SLCO4A1: variants seen among roughly 807,000 people sequenced by gnomAD.
SLCO4A1 encodes solute carrier organic anion transporter family member 4A1.
Under a neutral mutation model 64.6 loss-of-function variants are expected in SLCO4A1, and 51 were observed. The ratio of observed to expected loss-of-function variants is 0.79; its 90% CI spans 0.63 to 1.00. SLCO4A1 has a LOEUF of 1.00. Ranked by LOEUF, SLCO4A1 falls within the 50% of genes least tolerant of loss-of-function variation. SLCO4A1 has a pLI of 0.00. For missense variants in SLCO4A1, 919 were observed against 980.5 expected (o/e 0.94, Z 0.84); for synonymous variants, 471 against 444.9 (o/e 1.06, Z -0.74).
chr20:62,687,319 C>G (rs1356286428), downstream of SLCO4A1, among the ~76,000 whole-genome samples: 1 of 152,262 alleles, frequency 6.6e-6, no homozygotes, highest in Non-Finnish European at 1.5e-5. Context: ...ACGGGAGACA[C>G]AGTGGCCACC....
Position 62,657,259 on chromosome 20 carries a change from GGCTGGCGGGGTAAGT to G in SLCO4A1, c.796+16_796+30del. 4 of 1,511,810 alleles carry G rather than the reference GGCTGGCGGGGTAAGT, an allele frequency of 2.6e-6. No homozygotes were observed. The highest frequency in any genetic ancestry group is 3.6e-6 in the Non-Finnish European group (4 of 1,121,326). 93.6% of individuals were successfully genotyped at this position (1,511,810 alleles called of 1,614,324 possible). A position where few individuals can be genotyped will look rare whatever the true frequency, so the allele number is the denominator to read the frequency against. On this transcript the variant is annotated intron_variant, in intron 2 of 11. Transcript: ENST00000217159. ...CTCGCCCGTCTACATTGGTGAGTGGGGCTGGCGGGGTAAGTGCTGGCAGGGGTGGCTGAGGGCAGT... is the reference window on the plus strand; with the variant it reads ...CTCGCCCGTCTACATTGGTGAGTGGGGCTGGCAGGGGTGGCTGAGGGCAGT...
intron 10 of SLCO4A1, 119 bp downstream of exon 10, chr20:62,668,660 G>T: frequency 9.8e-7 from 1 of 1,025,544 alleles, no homozygotes; most frequent in East Asian, 2.4e-5. Context: ...GTTCCCGCCT[G>T]GGAAGGGGTC....
At position 62,660,402 on chromosome 20, in the gene SLCO4A1, T is replaced by C. The variant is rs912931019; in HGVS notation, c.888-10T>C. ...GCACGCTGACCCAGGTGCCACTGCC[T>C]CTTCCACAGGACGGAGCTGACCACC... is the stretch of plus-strand genomic sequence containing the variant. On this transcript the variant is annotated splice_polypyrimidine_tract_variant and intron_variant, in intron 3 of 11. Coordinates refer to ENST00000217159, the MANE Select transcript of SLCO4A1 (RefSeq NM_016354.4). 19 of 1,597,174 alleles carry C rather than the reference T, an allele frequency of 1.2e-5. 1 individual carries two copies. In the Admixed American group the frequency reaches 1.8e-4, roughly 15 times the overall value.
In SLCO4A1 at chr20:62,644,931, G is replaced by A. The variant is rs1482070503; in HGVS notation, c.-97+2378G>A. Reference sequence around the variant, plus strand: ...GAGCTCTGGGAGAGAGCCACGCCAGGCCAGCCCTCCTGCTTCCTCAAGCGG... The same window carrying A: ...GAGCTCTGGGAGAGAGCCACGCCAGACCAGCCCTCCTGCTTCCTCAAGCGG... On this transcript the variant is annotated intron_variant, in intron 1 of 11. Transcript: ENST00000217159. The surrounding 1 kb of genome is among the most constrained non-coding windows in gnomAD (Gnocchi z 5.4). 6.6e-6 allele frequency among the ~76,000 whole-genome samples: 1 copy of A among 152,212 alleles called. No individual in the cohort carries two copies. Among genetic ancestry groups the A allele is most frequent in the Non-Finnish European group, 1.5e-5 (1 of 68,034 alleles).
chr20:62,655,084 G>A (rs1404101773), intron 1 of SLCO4A1, among the ~76,000 whole-genome samples: 1 of 152,226 alleles, frequency 6.6e-6, no homozygotes. Flanking sequence ...ATATTCGGAG[G>A]TATTGGGGTC....
intron 2 of SLCO4A1, among the ~76,000 whole-genome samples, chr20:62,684,165 C>CACGTGA (rs1424707592): frequency 6.6e-6 from 1 of 152,226 alleles, no homozygotes; most frequent in Non-Finnish European, 1.5e-5. Context: ...CACACTCATC[C>CACGTGA]CCCAACAGCA....
chr20:62,665,140 A>G, intron 6 of SLCO4A1, 52 bp downstream of exon 6: 1 of 1,561,332 alleles, frequency 6.4e-7, no homozygotes, highest in Non-Finnish European at 8.7e-7. Context: ...GTTCTCAGAA[A>G]CAGAGTCTTC....
At chr20:62,648,441 T>C (rs1981810238) in intron 1 of SLCO4A1, among the ~76,000 whole-genome samples, 1 of 152,150 alleles carries the variant, frequency 6.6e-6, no homozygotes, top group Non-Finnish European at 1.5e-5. Flanking sequence ...GGGCCACCAG[T>C]CAGGGCTCCG....
At position 62,663,759 on chromosome 20, in the gene SLCO4A1, G is replaced by A. The variant is rs143440724; in HGVS notation, c.1122-1175G>A. On this transcript the variant is annotated intron_variant, in intron 5 of 11. Transcript: ENST00000217159. ...CAGGCAGCTGTGAGCTGGGATGAAT[G>A]TGAGCTTTGCCCAGTCTGGGTGATC... 6.0e-4 allele frequency among the ~76,000 whole-genome samples: 91 copies of A among 152,326 alleles called. 1 individual carries two copies. The highest frequency in any genetic ancestry group is 3.7e-3 in the South Asian group (18 of 4,828).
rs34701672 is a variant in SLCO4A1 at position 62,661,698 on chromosome 20, TC to T, written c.1121+529del. Among the ~76,000 whole-genome samples the T allele has an allele frequency of 1.4e-5, 2 of 147,156 alleles. No homozygotes were observed. Among genetic ancestry groups the T allele is most frequent in the African/African-American group, 2.5e-5 (1 of 39,354 alleles). On this transcript the variant is annotated intron_variant, in intron 5 of 11. Transcript: ENST00000217159. This position sits in a 1 kb window ranked among gnomAD's most constrained non-coding sequence, Gnocchi z 5.2. The stretch of plus-strand genomic sequence containing the variant: ...CCCTCCCTCAGAGTCTCTGAGGACC[TC>T]CCCCCTCTACCCGGCGTGTCCCGCT...
rs1429690928 is a variant in SLCO4A1 at position 62,645,523 on chromosome 20, G to GCAC, written c.-97+2971_-97+2972insACC. Among the ~76,000 whole-genome samples, 2 of 147,948 alleles carry GCAC rather than the reference G, an allele frequency of 1.4e-5. No homozygotes were observed. Among genetic ancestry groups the GCAC allele is most frequent in the South Asian group, 2.1e-4 (1 of 4,684 alleles). Reference sequence around the variant, plus strand: ...ACCCTCACCCTCATCCTCACCCGCAGCCTCACCCTCAGTCCTCAGACACTG... The same window carrying GCAC: ...ACCCTCACCCTCATCCTCACCCGCAGCACCCTCACCCTCAGTCCTCAGACACTG... On this transcript the variant is annotated intron_variant, in intron 1 of 11. Coordinates refer to ENST00000217159, the MANE Select transcript of SLCO4A1 (RefSeq NM_016354.4). The surrounding 1 kb of genome is among the most constrained non-coding windows in gnomAD (Gnocchi z 4.2).
intron 2 of SLCO4A1, among the ~76,000 whole-genome samples, chr20:62,681,346 T>C (rs1360220021): frequency 6.6e-6 from 1 of 152,256 alleles, no homozygotes; most frequent in Non-Finnish European, 1.5e-5. Context: ...AACCTTATTC[T>C]GATTCCGTGG....
At chr20:62,649,246 G>A (rs575025132) in intron 1 of SLCO4A1, 3 of 152,390 alleles carry the variant, frequency 2.0e-5, no homozygotes, top group Non-Finnish European at 4.4e-5. Flanking sequence ...GGAAAAGACC[G>A]AGGTCCCAGC....
intron 1 of SLCO4A1, among the ~76,000 whole-genome samples, chr20:62,655,664 G>T (rs117611812): frequency 6.6e-6 from 1 of 152,160 alleles, no homozygotes; most frequent in African/African-American, 2.4e-5. Flanking sequence ...CATGGCTGCC[G>T]ACTGCAACTC....
In SLCO4A1 at chr20:62,661,772, C is replaced by A. The variant is rs1342954353; in HGVS notation, c.1121+597C>A. On this transcript the variant is annotated intron_variant, in intron 5 of 11. Transcript: ENST00000217159. This position sits in a 1 kb window ranked among gnomAD's most constrained non-coding sequence, Gnocchi z 5.2. Reference sequence around the variant, plus strand: ...CTTTGCCGTCTGCCTTGGCTGCCTTCCCTTTCTGCTGAGTGTGGTCCGGCC... The same window carrying A: ...CTTTGCCGTCTGCCTTGGCTGCCTTACCTTTCTGCTGAGTGTGGTCCGGCC... 6.6e-6 allele frequency among the ~76,000 whole-genome samples: 1 copy of A among 152,058 alleles called. No homozygotes were observed. The highest frequency in any genetic ancestry group is 2.4e-5 in the African/African-American group (1 of 41,394).
chr20:62,679,365 CT>C (rs11484310), intron 2 of SLCO4A1, among the ~76,000 whole-genome samples: 234 of 147,562 alleles, frequency 1.6e-3, no homozygotes, highest in African/African-American at 3.4e-3. Flanking sequence ...CATCAAATTC[CT>C]TTTTTTTTTT....
chr20:62,645,166 C>T lies in SLCO4A1; in HGVS notation c.-97+2613C>T, dbSNP rs898963085. ...GACTTCAGGCAGGATCTGGGTCTTG[C>T]CCACTTGTTGGAATGGGCACGTGGG... On this transcript the variant is annotated intron_variant, in intron 1 of 11. Coordinates refer to ENST00000217159, the MANE Select transcript of SLCO4A1 (RefSeq NM_016354.4). The surrounding 1 kb of genome is among the most constrained non-coding windows in gnomAD (Gnocchi z 4.2). 6.6e-6 allele frequency among the ~76,000 whole-genome samples: 1 copy of T among 152,162 alleles called. No homozygotes were observed. The highest frequency in any genetic ancestry group is 2.4e-5 in the African/African-American group (1 of 41,428).
At chr20:62,660,056 C>T (rs1286021498) in intron 3 of SLCO4A1, among the ~76,000 whole-genome samples, 1 of 152,248 alleles carries the variant, frequency 6.6e-6, no homozygotes, top group Non-Finnish European at 1.5e-5. Flanking sequence ...CTGTCATCCT[C>T]TGCACTGTGG....
rs138737642 is a variant in SLCO4A1 at position 62,677,544 on chromosome 20, G to A, written n.212-7897G>A. Among the ~76,000 whole-genome samples, 43 of 152,236 alleles carry A rather than the reference G, an allele frequency of 2.8e-4. No individual in the cohort carries two copies. The Middle Eastern group carries it at 0.014, about 48-fold the overall frequency. The stretch of plus-strand genomic sequence containing the variant: ...GGCAGGAGGCAGAAAGGGGGCTTGA[G>A]ACCTACACTCCAACCCCACTGAGCA... On this transcript the variant is annotated intron_variant and non_coding_transcript_variant, in intron 2 of 2. Transcript: ENST00000466818.
Sources: allele counts gnomAD v4.1 joint callset (sites outside exome capture counted in the v4.1 genomes callset), GRCh38; gene constraint gnomAD v4.1.1; non-coding constraint Gnocchi (gnomAD v3.1); transcripts MANE v1.5; gene names NCBI Gene and HGNC (gene_info 2026-07-23, HGNC 2026-07-21).